The following DCDC2 variants were observed in gnomAD, a reference collection of about 807,000 sequenced individuals.
DCDC2 encodes the protein doublecortin domain containing 2.
DCDC2 carries 40 observed loss-of-function variants against 50.2 expected under a neutral mutation model. The ratio of observed to expected loss-of-function variants is 0.80; its 90% CI spans 0.62 to 1.04. DCDC2 has a LOEUF of 1.04. Ranked by LOEUF, DCDC2 falls within the 50% of genes least tolerant of loss-of-function variation. DCDC2 has a pLI of 0.00. For missense variants in DCDC2, 570 were observed against 581.9 expected (o/e 0.98, Z 0.21); for synonymous variants, 234 against 210.6 (o/e 1.11, Z -0.96).
chr6:24,295,720 T>C (rs1759216664), intron 4 of DCDC2, among the ~76,000 whole-genome samples: 1 of 151,986 alleles, frequency 6.6e-6, no homozygotes, highest in African/African-American at 2.4e-5. Flanking sequence ...TTTTCATAAT[T>C]GGCACAAAAA....
intron 2 of DCDC2, among the ~76,000 whole-genome samples, chr6:24,347,992 G>C (rs969338845): frequency 6.6e-6 from 1 of 152,216 alleles, no homozygotes; most frequent in Non-Finnish European, 1.5e-5. Context: ...CTTCAGCGTG[G>C]TGGGTACGAT....
At chr6:24,278,721 T>C (rs1314441268) in intron 6 of DCDC2, among the ~76,000 whole-genome samples, 1 of 152,184 alleles carries the variant, frequency 6.6e-6, no homozygotes, top group African/African-American at 2.4e-5. Context: ...GGATGAGAAA[T>C]GGTGACTTCC....
intron 2 of DCDC2, among the ~76,000 whole-genome samples, chr6:24,330,708 G>A (rs1432922242): frequency 1.3e-5 from 2 of 151,946 alleles, no homozygotes; most frequent in East Asian, 1.9e-4. Context: ...GGAAAGAGTG[G>A]GCAGCCATAG....
chr6:24,209,371 T>C (rs1007589310), intron 7 of DCDC2, among the ~76,000 whole-genome samples: 1 of 152,214 alleles, frequency 6.6e-6, no homozygotes, highest in African/African-American at 2.4e-5. Flanking sequence ...TGTCTAGTTA[T>C]TGCTACAGCA....
At chr6:24,285,502 A>G (rs1763583209) in intron 6 of DCDC2, among the ~76,000 whole-genome samples, 1 of 152,176 alleles carries the variant, frequency 6.6e-6, no homozygotes, top group South Asian at 2.1e-4. Flanking sequence ...GTAGACCACG[A>G]GTATCAGAGA....
intron 4 of DCDC2, among the ~76,000 whole-genome samples, chr6:24,293,102 G>A (rs1489874741): frequency 6.6e-6 from 1 of 152,190 alleles, no homozygotes; most frequent in African/African-American, 2.4e-5. Flanking sequence ...AAAACGCAGT[G>A]AATAAATTCT....
intron 8 of DCDC2, among the ~76,000 whole-genome samples, chr6:24,194,100 G>C (rs1288386308): frequency 6.6e-6 from 1 of 152,068 alleles, no homozygotes; most frequent in Admixed American, 6.5e-5. Flanking sequence ...GAGGGGATTA[G>C]GAATATAGCA....
intron 2 of DCDC2, among the ~76,000 whole-genome samples, chr6:24,348,264 G>C (rs1390817349): frequency 6.6e-6 from 1 of 152,164 alleles, no homozygotes; most frequent in African/African-American, 2.4e-5. Context: ...GTTCTAGATT[G>C]GTTTCTGTTT....
chr6:24,256,597 G>GA (rs1454540185), intron 7 of DCDC2, among the ~76,000 whole-genome samples: 1 of 151,886 alleles, frequency 6.6e-6, no homozygotes, highest in Non-Finnish European at 1.5e-5. Flanking sequence ...TACAGCACAT[G>GA]AAAAAAATAA....
intron 7 of DCDC2, among the ~76,000 whole-genome samples, chr6:24,235,158 T>C (rs979981827): frequency 6.6e-6 from 1 of 152,220 alleles, no homozygotes; most frequent in Admixed American, 6.5e-5. Flanking sequence ...TAAGAATGTG[T>C]AATACATTTT....
At chr6:24,237,460 C>T (rs951816504) in intron 7 of DCDC2, among the ~76,000 whole-genome samples, 5 of 152,110 alleles carry the variant, frequency 3.3e-5, no homozygotes, top group African/African-American at 7.2e-5. Context: ...AATGTTTATA[C>T]GCTGTTGGTG....
chr6:24,275,223 G>A (rs1316137437), intron 7 of DCDC2, among the ~76,000 whole-genome samples: 1 of 152,128 alleles, frequency 6.6e-6, no homozygotes, highest in Non-Finnish European at 1.5e-5. Context: ...AAATGAATAT[G>A]AAGGCTGAAT....
chr6:24,324,528 C>A (rs1759825229), intron 2 of DCDC2, among the ~76,000 whole-genome samples: 1 of 152,250 alleles, frequency 6.6e-6, no homozygotes, highest in African/African-American at 2.4e-5. Context: ...TTTGTCCCAT[C>A]TTTTTCATAT....
intron 7 of DCDC2, among the ~76,000 whole-genome samples, chr6:24,246,479 C>CTTTTTTTTTTTTTTTTT (rs4052666): frequency 8.5e-5 from 6 of 70,782 alleles, no homozygotes; most frequent in Admixed American, 2.5e-4. Context: ...TTTTCTTTTT[C>CTTTTTTTTTTTTTTTTT]TTTTTTTTTT....
chr6:24,255,055 G>T (rs934704190), intron 7 of DCDC2, among the ~76,000 whole-genome samples: 1 of 151,974 alleles, frequency 6.6e-6, no homozygotes, highest in Non-Finnish European at 1.5e-5. Context: ...TATACCACCT[G>T]GTATCAAGAC....
chr6:24,311,400 A>C (rs560337166), intron 2 of DCDC2, among the ~76,000 whole-genome samples: 1 of 152,292 alleles, frequency 6.6e-6, no homozygotes, highest in Non-Finnish European at 1.5e-5. Context: ...ATAACCAAAA[A>C]ACCTATTATT....
intron 7 of DCDC2, among the ~76,000 whole-genome samples, chr6:24,217,964 C>T (rs1285781991): frequency 3.3e-5 from 5 of 152,108 alleles, no homozygotes; most frequent in African/African-American, 2.4e-5. Context: ...ACAAATTTTC[C>T]GTAAGATACA....
chr6:24,367,545 C>T, the DCDC2 span, among the ~76,000 whole-genome samples: 1 of 152,200 alleles, frequency 6.6e-6, no homozygotes, highest in African/African-American at 2.4e-5. Context: ...TTCATAATTA[C>T]ATCAGTTGAC....
At position 24,316,398 on chromosome 6, in the gene DCDC2, G is replaced by C. The variant is rs568273849; in HGVS notation, c.349-14354C>G. On this transcript the variant is annotated intron_variant, in intron 2 of 9. Coordinates refer to ENST00000378454, the MANE Select transcript of DCDC2 (RefSeq NM_016356.5). ...GAGGTAGGAGAGTGCAATGGTAAGG[G>C]GTAAACCAAGAGAGCGAACCATTTC... Among the ~76,000 whole-genome samples the C allele has an allele frequency of 7.2e-5, 11 of 152,186 alleles. No individual in the cohort carries two copies. In the East Asian group the frequency reaches 1.2e-3, roughly 16 times the overall value.
Sources: allele counts gnomAD v4.1 joint callset (sites outside exome capture counted in the v4.1 genomes callset), GRCh38; gene constraint gnomAD v4.1.1; transcripts MANE v1.5; gene names NCBI Gene and HGNC (gene_info 2026-07-23, HGNC 2026-07-21).